The following BMP7 variants were observed in gnomAD, a reference collection of about 807,000 sequenced individuals.
BMP7 encodes the protein osteogenic protein 1.
In BMP7, 12 loss-of-function variants were observed where a neutral mutation model predicts 41.2. That is an observed-to-expected ratio of 0.29 (90% confidence interval 0.19 to 0.47). BMP7 has a LOEUF of 0.47. Among genes scored for constraint, BMP7 ranks in the 20% least tolerant of loss-of-function variants. The pLI, the probability that BMP7 is intolerant of heterozygous loss-of-function variation, is 0.99. For missense variants in BMP7, 467 were observed against 606.0 expected, an observed-to-expected ratio of 0.77 and a Z score of 2.41; for synonymous variants, 248 against 250.0, an observed-to-expected ratio of 0.99 and a Z score of 0.07.
chr20:57,214,298 C>T lies in BMP7; in HGVS notation c.612-11675G>A, dbSNP rs778013673. The stretch of plus-strand genomic sequence containing the variant: ...GGTTCCCCTTCCACTCTTCTCACCC[C>T]GCACTCCCCCTGCCCCAGCAGCTTG... On this transcript the variant is annotated intron_variant, in intron 2 of 6. Coordinates refer to ENST00000395863, the MANE Select transcript of BMP7 (RefSeq NM_001719.3). This position sits in a 1 kb window ranked among gnomAD's most constrained non-coding sequence, Gnocchi z 4.0. Among the ~76,000 whole-genome samples the T allele has an allele frequency of 6.4e-4, 97 of 152,158 alleles. No homozygotes were observed. The highest frequency in any genetic ancestry group is 1.2e-3 in the Non-Finnish European group (85 of 68,040).
chr20:57,202,594 C>T lies in BMP7; in HGVS notation c.641G>A (p.Arg214His), dbSNP rs370126479. ...GCCCTCCTCCGAGGCCCAGAGGGTA[C>T]GGCTGTCGAGCAGGAAGAGATCCGA... ...RESDLFLLDS[R>H]TLWASEEGWL... Residue 214 changes from arginine to histidine, a missense_variant, in exon 3 of 7, where the codon CGT becomes CAT. Coordinates refer to ENST00000395863, the MANE Select transcript of BMP7 (RefSeq NM_001719.3). 63 of 1,611,814 alleles carry T rather than the reference C, an allele frequency of 3.9e-5. No individual in the cohort carries two copies. Among genetic ancestry groups the T allele is most frequent in the South Asian group, 1.2e-4 (11 of 91,072 alleles).
intron 1 of BMP7, among the ~76,000 whole-genome samples, chr20:57,229,910 A>G (rs2066022684): frequency 1.3e-5 from 2 of 152,172 alleles, no homozygotes; most frequent in African/African-American, 2.4e-5. Context: ...CCTTAACAAC[A>G]GTCCAAAAAG....
At chr20:57,237,923 C>A (rs543084339) in intron 1 of BMP7, among the ~76,000 whole-genome samples, 1 of 152,308 alleles carries the variant, frequency 6.6e-6, no homozygotes, top group South Asian at 2.1e-4. Context: ...TAAACAGCCA[C>A]CATTTTTTAA....
chr20:57,182,636 G>A (rs1205988816), intron 4 of BMP7, among the ~76,000 whole-genome samples: 3 of 152,230 alleles, frequency 2.0e-5, no homozygotes, highest in Non-Finnish European at 4.4e-5. Flanking sequence ...TACCTACACT[G>A]TGCCCTTAGA....
chr20:57,265,685 C>T lies in BMP7; in HGVS notation c.418+20G>A, dbSNP rs1340258834. On this transcript the variant is annotated intron_variant, in intron 1 of 6. Transcript: ENST00000395863. The stretch of plus-strand genomic sequence containing the variant: ...AGTGCCCCCGAAAGGAGACGCGTAC[C>T]CTCGCCTGCCCTTACTCACCGAGGT... 3 of 1,588,976 alleles carry T rather than the reference C, an allele frequency of 1.9e-6. No homozygotes were observed. Among genetic ancestry groups the T allele is most frequent in the Admixed American group, 3.5e-5 (2 of 57,118 alleles).
In BMP7 at chr20:57,257,824, C is replaced by CAA. The variant is rs139904463; in HGVS notation, c.418+7879_418+7880dup. On this transcript the variant is annotated intron_variant, in intron 1 of 6. Coordinates refer to ENST00000395863, the MANE Select transcript of BMP7 (RefSeq NM_001719.3). Reference sequence around the variant, plus strand: ...TATTGAAGGCCAAAACACAAGCCACCAAAAAAAAAAAAAAAAAAAAACTTG... The same window carrying CAA: ...TATTGAAGGCCAAAACACAAGCCACCAAAAAAAAAAAAAAAAAAAAAAACTTG... 2.6e-3 allele frequency among the ~76,000 whole-genome samples: 267 copies of CAA among 103,202 alleles called. 2 individuals are homozygous for CAA. The highest frequency in any genetic ancestry group is 6.2e-3 in the African/African-American group (170 of 27,640). 67.7% of individuals were successfully genotyped at this position (103,202 alleles called of 152,430 possible).
chr20:57,260,302 G>A (rs2066149095), intron 1 of BMP7, among the ~76,000 whole-genome samples: 1 of 152,234 alleles, frequency 6.6e-6, no homozygotes, highest in East Asian at 1.9e-4. Flanking sequence ...CTCGCTTCTT[G>A]AAGGACCAGC....
chr20:57,260,716 C>T (rs2066150661), intron 1 of BMP7, among the ~76,000 whole-genome samples: 2 of 152,250 alleles, frequency 1.3e-5, no homozygotes, highest in African/African-American at 2.4e-5. Context: ...GGCTAATCCG[C>T]ACATTCCTTC....
intron 1 of BMP7, among the ~76,000 whole-genome samples, chr20:57,231,040 C>T (rs961545119): frequency 6.6e-6 from 1 of 152,164 alleles, no homozygotes; most frequent in Non-Finnish European, 1.5e-5. Flanking sequence ...CCAAAGTAAA[C>T]CCAGTCACGG....
rs2066017749 is a variant in BMP7 at position 57,228,724 on chromosome 20, G to A, written c.419-303C>T. Among the ~76,000 whole-genome samples, 1 of 152,176 alleles carries A rather than the reference G, an allele frequency of 6.6e-6. No individual in the cohort carries two copies. The highest frequency in any genetic ancestry group is 1.5e-5 in the Non-Finnish European group (1 of 68,036). ...GTCCTGGCCAGACTCAGGTCCCAGG[G>A]GCTCAGGCCTGGGTTGGAATCTGGC... On this transcript the variant is annotated intron_variant, in intron 1 of 6. Transcript: ENST00000395863. This position sits in a 1 kb window ranked among gnomAD's most constrained non-coding sequence, Gnocchi z 4.5.
chr20:57,197,391 C>G (rs1984517360), intron 3 of BMP7, among the ~76,000 whole-genome samples: 1 of 152,152 alleles, frequency 6.6e-6, no homozygotes, highest in Non-Finnish European at 1.5e-5. Flanking sequence ...GTCCTGGGGT[C>G]TCTACCTCCG....
chr20:57,249,667 G>A (rs77628584), intron 1 of BMP7, among the ~76,000 whole-genome samples: 4,105 of 152,270 alleles, frequency 0.027, 79 homozygotes, highest in Non-Finnish European at 0.041. Flanking sequence ...GCTGTATTTA[G>A]TCACAAACTT....
chr20:57,257,472 T>A (rs950617365), intron 1 of BMP7, among the ~76,000 whole-genome samples: 2 of 152,186 alleles, frequency 1.3e-5, no homozygotes, highest in Non-Finnish European at 2.9e-5. Flanking sequence ...TTGTATTAAT[T>A]AACAAACACC....
chr20:57,211,094 G>C (rs573955750), intron 2 of BMP7, among the ~76,000 whole-genome samples: 4 of 152,330 alleles, frequency 2.6e-5, no homozygotes, highest in East Asian at 1.9e-4. Context: ...CACCCGGCTG[G>C]TGGCCGGGGG....
At chr20:57,231,295 A>G (rs1272512542) in intron 1 of BMP7, among the ~76,000 whole-genome samples, 1 of 152,228 alleles carries the variant, frequency 6.6e-6, no homozygotes, top group Non-Finnish European at 1.5e-5. Context: ...CAATCCATGT[A>G]TCCATTCTAC....
intron 3 of BMP7, among the ~76,000 whole-genome samples, chr20:57,190,425 G>A (rs138980309): frequency 1.0e-4 from 3 of 29,708 alleles, no homozygotes; most frequent in Non-Finnish European, 2.5e-4. Flanking sequence ...TGAGTGAGGA[G>A]CCCGAGGGGG....
chr20:57,196,796 CT>C (rs1984500860), intron 3 of BMP7, among the ~76,000 whole-genome samples: 1 of 152,138 alleles, frequency 6.6e-6, no homozygotes, highest in South Asian at 2.1e-4. Flanking sequence ...CCTGGACAGC[CT>C]GGGCAACGTA....
intron 1 of BMP7, among the ~76,000 whole-genome samples, chr20:57,247,984 T>G (rs74839794): frequency 1.3e-5 from 2 of 152,188 alleles, no homozygotes; most frequent in Admixed American, 1.3e-4. Flanking sequence ...GAGTTCTATA[T>G]AGTCCTCAAA....
intron 4 of BMP7, among the ~76,000 whole-genome samples, chr20:57,182,141 G>A (rs1984098136): frequency 6.6e-6 from 1 of 152,222 alleles, no homozygotes; most frequent in Admixed American, 6.5e-5. Context: ...GGTTTGTTGT[G>A]AGGTTCATTA....
Sources: allele counts gnomAD v4.1 joint callset (sites outside exome capture counted in the v4.1 genomes callset), GRCh38; gene constraint gnomAD v4.1.1; non-coding constraint Gnocchi (gnomAD v3.1); transcripts MANE v1.5; gene names NCBI Gene and HGNC (gene_info 2026-07-23, HGNC 2026-07-21).